BTBD9: variants seen among roughly 807,000 people sequenced by gnomAD.
The protein encoded by BTBD9 is BTB/POZ domain-containing protein 9.
A neutral mutation model predicts 64.3 loss-of-function variants in BTBD9; 49 were observed. The ratio of observed to expected loss-of-function variants is 0.76; its 90% confidence interval spans 0.61 to 0.97. BTBD9 has a LOEUF of 0.97. Among genes scored for constraint, BTBD9 ranks in the 50% least tolerant of loss-of-function variants. The probability of loss-of-function intolerance (pLI) is 0.00; values close to 1 mark genes in which losing one functional copy is unlikely to be tolerated. For missense variants in BTBD9, 598 were observed against 762.1 expected (o/e 0.78, Z 2.53); for synonymous variants, 260 against 274.7 (o/e 0.95, Z 0.53).
chr6:38,552,281 C>G (rs1311224474), intron 6 of BTBD9, among the ~76,000 whole-genome samples: 1 of 152,082 alleles, frequency 6.6e-6, no homozygotes, highest in Non-Finnish European at 1.5e-5. Flanking sequence ...GGCTTACATG[C>G]AAAGAGAGAA....
At chr6:38,617,211 C>A (rs571751455) in intron 1 of BTBD9, among the ~76,000 whole-genome samples, 2 of 152,150 alleles carry the variant, frequency 1.3e-5, no homozygotes, top group African/African-American at 2.4e-5. Flanking sequence ...CCTGCACTTC[C>A]GGGCTGAGCC....
chr6:38,307,469 AC>A (rs1157952470), intron 7 of BTBD9, among the ~76,000 whole-genome samples: 1 of 152,172 alleles, frequency 6.6e-6, no homozygotes, highest in Admixed American at 6.5e-5. Context: ...AGTTTCCCCC[AC>A]CTGCTTCTGT....
chr6:38,495,399 C>G (rs181627358), intron 6 of BTBD9, among the ~76,000 whole-genome samples: 1 of 152,310 alleles, frequency 6.6e-6, no homozygotes, highest in Non-Finnish European at 1.5e-5. Flanking sequence ...CCTATTTTCA[C>G]CAGAAGGAGG....
intron 6 of BTBD9, among the ~76,000 whole-genome samples, chr6:38,377,138 T>C (rs911464362): frequency 6.6e-6 from 1 of 152,340 alleles, no homozygotes; most frequent in Admixed American, 6.5e-5. Flanking sequence ...ATGTTTCTCA[T>C]TCAAAGTGCT....
chr6:38,400,453 T>C (rs1766878674), intron 6 of BTBD9, among the ~76,000 whole-genome samples: 1 of 152,182 alleles, frequency 6.6e-6, no homozygotes, highest in Non-Finnish European at 1.5e-5. Context: ...CCAAACCCCA[T>C]GGCCTCTTTT....
At chr6:38,368,255 T>C (rs891033572) in intron 6 of BTBD9, among the ~76,000 whole-genome samples, 1 of 152,162 alleles carries the variant, frequency 6.6e-6, no homozygotes, top group Non-Finnish European at 1.5e-5. Flanking sequence ...GAGACTTTTT[T>C]CCCCCAAAAC....
At chr6:38,269,719 T>C (rs1196239351) in intron 8 of BTBD9, among the ~76,000 whole-genome samples, 1 of 152,208 alleles carries the variant, frequency 6.6e-6, no homozygotes, top group Non-Finnish European at 1.5e-5. Flanking sequence ...TTCTGTCTCA[T>C]GAATACTCCC....
At chr6:38,336,079 A>G (rs1252390332) in intron 7 of BTBD9, among the ~76,000 whole-genome samples, 2 of 152,114 alleles carry the variant, frequency 1.3e-5, no homozygotes, top group Non-Finnish European at 1.5e-5. Flanking sequence ...ACTAATACAC[A>G]TATGTACACA....
chr6:38,590,091 C>T (rs1776728915), intron 4 of BTBD9, among the ~76,000 whole-genome samples: 1 of 152,170 alleles, frequency 6.6e-6, no homozygotes, highest in Non-Finnish European at 1.5e-5. Flanking sequence ...ACCAAGCATT[C>T]ACCAATTACC....
intron 6 of BTBD9, among the ~76,000 whole-genome samples, chr6:38,429,845 T>C (rs1231964905): frequency 1.3e-5 from 2 of 151,994 alleles, no homozygotes; most frequent in Non-Finnish European, 2.9e-5. Context: ...CAATCACATA[T>C]AATATTAGGC....
intron 6 of BTBD9, among the ~76,000 whole-genome samples, chr6:38,384,507 C>A (rs4711544): frequency 0.37 from 55,628 of 152,044 alleles, 12,299 homozygotes; most frequent in East Asian, 0.82. Flanking sequence ...CTGCTTAGTT[C>A]ATACAGAAGT....
chr6:38,321,988 T>C (rs796608423), intron 7 of BTBD9, among the ~76,000 whole-genome samples: 10 of 151,978 alleles, frequency 6.6e-5, no homozygotes, highest in African/African-American at 2.4e-4. Context: ...TGACATTTCC[T>C]AAAAAGAGCC....
At chr6:38,286,899 T>C (rs1369651241) in intron 8 of BTBD9, among the ~76,000 whole-genome samples, 1 of 151,670 alleles carries the variant, frequency 6.6e-6, no homozygotes, top group Non-Finnish European at 1.5e-5. Context: ...CTGGCCAACA[T>C]GATGAAACCC....
At chr6:38,601,829 T>G (rs1777252038) in intron 1 of BTBD9, among the ~76,000 whole-genome samples, 1 of 151,100 alleles carries the variant, frequency 6.6e-6, no homozygotes, top group African/African-American at 2.4e-5. Context: ...TTAGAGAAAA[T>G]AAGAGGGGTT....
At chr6:38,325,541 T>C (rs530843803) in intron 7 of BTBD9, among the ~76,000 whole-genome samples, 1 of 152,098 alleles carries the variant, frequency 6.6e-6, no homozygotes, top group Admixed American at 6.5e-5. Flanking sequence ...AAGAATTAGC[T>C]GAGCATGGTG....
intron 6 of BTBD9, among the ~76,000 whole-genome samples, chr6:38,556,470 T>C (rs1433234730): frequency 2.6e-5 from 4 of 151,744 alleles, no homozygotes; most frequent in African/African-American, 9.7e-5. Flanking sequence ...TTAAGAGATA[T>C]ATAGCAAGCA....
In BTBD9 at chr6:38,519,515, A is replaced by C. The variant is rs1040920727; in HGVS notation, c.1154+58085T>G. On this transcript the variant is annotated intron_variant, in intron 6 of 10. Transcript: ENST00000481247. Reference sequence around the variant, plus strand: ...GTATTTATATATCCTTGTACTGTAAAGTATACTAAACTGTCACTTTAAAAT... The same window carrying C: ...GTATTTATATATCCTTGTACTGTAACGTATACTAAACTGTCACTTTAAAAT... 5.3e-5 allele frequency among the ~76,000 whole-genome samples: 8 copies of C among 152,324 alleles called. No homozygotes were observed. In the East Asian group the frequency reaches 1.5e-3, roughly 29 times the overall value.
intron 6 of BTBD9, among the ~76,000 whole-genome samples, chr6:38,501,596 C>T (rs750306330): frequency 6.6e-6 from 1 of 152,140 alleles, no homozygotes. Flanking sequence ...AAGAGAGCAA[C>T]AGTTCTCAAA....
chr6:38,467,170 AATT>A (rs1245636624), intron 6 of BTBD9, among the ~76,000 whole-genome samples: 3 of 152,210 alleles, frequency 2.0e-5, no homozygotes, highest in African/African-American at 7.2e-5. Flanking sequence ...AATTAAAAGA[AATT>A]ATTAAGACCA....
Sources: gnomAD v4.1 joint callset for allele counts (sites outside exome capture counted in the v4.1 genomes callset) on GRCh38, gnomAD v4.1.1 for gene constraint, MANE v1.5 for transcripts, NCBI Gene and HGNC (gene_info 2026-07-23, HGNC 2026-07-21) for gene names.